The following CRTAC1 variants were observed in gnomAD, a reference collection of about 807,000 sequenced individuals.
CRTAC1 encodes cartilage acidic protein 1, also known as acidic secreted protein in cartilage.
Under a neutral mutation model 67.8 loss-of-function variants are expected in CRTAC1, and 37 were observed. The observed-to-expected ratio is 0.55, with a 90% CI of 0.42 to 0.72. The LOEUF is 0.72. Ranked by LOEUF, CRTAC1 falls within the 30% of genes least tolerant of loss-of-function variation. The pLI, the probability that CRTAC1 is intolerant of heterozygous loss-of-function variation, is 0.00. For synonymous variants in CRTAC1, 348 were observed against 371.0 expected, an observed-to-expected ratio of 0.94 and a Z score of 0.71; for missense variants, 780 against 931.6, an observed-to-expected ratio of 0.84 and a Z score of 2.12.
intron 14 of CRTAC1, chr10:97,869,719 G>C (rs2050070630): frequency 6.6e-6 from 1 of 152,390 alleles, no homozygotes; most frequent in Non-Finnish European, 1.5e-5. Flanking sequence ...CGGCTCCCCG[G>C]TTGGCAGCCA....
rs556100937 is a variant in CRTAC1 at position 97,944,404 on chromosome 10, C to T, written c.225-8038G>A. Among the ~76,000 whole-genome samples, 11 of 151,682 alleles carry T rather than the reference C, an allele frequency of 7.3e-5. No homozygotes were observed. The East Asian group carries it at 2.1e-3, about 29-fold the overall frequency. On this transcript the variant is annotated intron_variant, in intron 2 of 14. Transcript: ENST00000370597. ...CCAAGATCGCCCCATTGCTGTCAAG[C>T]CTGGGCAACAAGAGTGAAACTCCAT... is the stretch of plus-strand genomic sequence containing the variant.
At chr10:97,997,175 T>C (rs943320613) in intron 2 of CRTAC1, among the ~76,000 whole-genome samples, 17 of 148,958 alleles carry the variant, frequency 1.1e-4, no homozygotes, top group East Asian at 3.9e-4. Flanking sequence ...GCATGGCACA[T>C]GTATACATAT....
At chr10:97,908,557 G>A (rs1264363851) in intron 5 of CRTAC1, among the ~76,000 whole-genome samples, 1 of 152,204 alleles carries the variant, frequency 6.6e-6, no homozygotes, top group Non-Finnish European at 1.5e-5. Context: ...TACATATGCT[G>A]GTCAAGACCA....
chr10:97,907,936 G>T, intron 6 of CRTAC1, 77 bp downstream of exon 6: 1 of 1,516,724 alleles, frequency 6.6e-7, no homozygotes, highest in Non-Finnish European at 9.1e-7. Flanking sequence ...ATCCTGGAGG[G>T]GGCAGGGCAG....
Position 98,030,162 on chromosome 10 carries a change from C to A in CRTAC1, c.24+287G>T, listed in dbSNP as rs1843338372. Among the ~76,000 whole-genome samples the A allele has an allele frequency of 6.6e-6, 1 of 151,974 alleles. No individual in the cohort carries two copies. The highest frequency in any genetic ancestry group is 1.5e-5 in the Non-Finnish European group (1 of 67,940). On this transcript the variant is annotated intron_variant, in intron 1 of 14. Coordinates refer to ENST00000370597, the MANE Select transcript of CRTAC1 (RefSeq NM_018058.7). This position sits in a 1 kb window ranked among gnomAD's most constrained non-coding sequence, Gnocchi z 4.2. ...GCTGACCTCCAGTGCGCCCCCAACA[C>A]TTTCTCTGCCAGCTGCTGGCTGTCG...
At chr10:97,901,322 C>G (rs2050537553) in intron 8 of CRTAC1, among the ~76,000 whole-genome samples, 181 bp downstream of exon 8, 1 of 152,236 alleles carries the variant, frequency 6.6e-6, no homozygotes, top group Admixed American at 6.5e-5. Context: ...ATTCCCACAG[C>G]CTCTTGCCCA....
At chr10:98,006,406 G>A (rs1012517606) in intron 2 of CRTAC1, among the ~76,000 whole-genome samples, 6 of 152,126 alleles carry the variant, frequency 3.9e-5, no homozygotes, top group Admixed American at 1.3e-4. Flanking sequence ...CTCCATATGC[G>A]GAGGCACTCG....
intron 5 of CRTAC1, among the ~76,000 whole-genome samples, chr10:97,915,754 G>A (rs1426763735): frequency 2.0e-5 from 3 of 152,150 alleles, no homozygotes; most frequent in African/African-American, 4.8e-5. Context: ...TGGAGAAGGC[G>A]CGCAGACAGA....
intron 14 of CRTAC1, among the ~76,000 whole-genome samples, chr10:97,877,902 T>A (rs1246283636): frequency 1.3e-5 from 2 of 152,284 alleles, no homozygotes; most frequent in Non-Finnish European, 2.9e-5. Flanking sequence ...GTAGTTGTCT[T>A]GTCCCTTATT....
intron 2 of CRTAC1, among the ~76,000 whole-genome samples, chr10:98,004,400 T>C (rs569118288): frequency 1.3e-4 from 20 of 152,348 alleles, no homozygotes; most frequent in Admixed American, 9.8e-4. Flanking sequence ...GGAGCATACA[T>C]GGCTGTACAC....
At chr10:97,876,955 T>G (rs900907332) in intron 14 of CRTAC1, among the ~76,000 whole-genome samples, 1 of 140,532 alleles carries the variant, frequency 7.1e-6, no homozygotes, top group Non-Finnish European at 1.5e-5. Flanking sequence ...GTTTTTTTTT[T>G]TTTTTTTTTT....
In CRTAC1 at chr10:97,975,580, G is replaced by A. The variant is rs2051787147; in HGVS notation, c.224+35558C>T. Among the ~76,000 whole-genome samples the A allele has an allele frequency of 6.6e-6, 1 of 152,146 alleles. No individual in the cohort carries two copies. The highest frequency in any genetic ancestry group is 2.4e-5 in the African/African-American group (1 of 41,428). On this transcript the variant is annotated intron_variant, in intron 2 of 14. Coordinates refer to ENST00000370597, the MANE Select transcript of CRTAC1 (RefSeq NM_018058.7). This position sits in a 1 kb window ranked among gnomAD's most constrained non-coding sequence, Gnocchi z 4.8. ...AGTCACCTTTTCCTAAAGGACGTGG[G>A]GCACCATTTCTGTTACAACTGGCAG...
At chr10:98,005,100 A>ATATATTTT in intron 2 of CRTAC1, among the ~76,000 whole-genome samples, 1 of 48,884 alleles carries the variant, frequency 2.0e-5, no homozygotes, top group African/African-American at 1.2e-4. Flanking sequence ...ATATATATAT[A>ATATATTTT]TTTTTTTTTT....
rs757267901 is a variant in CRTAC1, at chr10:97,991,099, C to CAAAA, written c.224+20035_224+20038dup. On this transcript the variant is annotated intron_variant, in intron 2 of 14. Coordinates refer to ENST00000370597, the MANE Select transcript of CRTAC1 (RefSeq NM_018058.7). ...GGCAACATACGAGAAACCATCTCTA[C>CAAAA]AAAAAAAAAAAAAAAAAAAAAAAAA... 9.9e-3 allele frequency among the ~76,000 whole-genome samples: 177 copies of CAAAA among 17,962 alleles called. 16 individuals are homozygous for CAAAA. Among genetic ancestry groups the CAAAA allele is most frequent in the African/African-American group, 0.028 (151 of 5,332 alleles). 11.8% of individuals were successfully genotyped at this position (17,962 alleles called of 152,430 possible).
chr10:97,946,406 T>C (rs1474687150), intron 2 of CRTAC1, among the ~76,000 whole-genome samples: 1 of 152,174 alleles, frequency 6.6e-6, no homozygotes, highest in East Asian at 1.9e-4. Flanking sequence ...AGACTTCAAC[T>C]ATGGCAGCAT....
intron 14 of CRTAC1, among the ~76,000 whole-genome samples, chr10:97,876,754 C>T (rs767778528): frequency 2.6e-5 from 4 of 152,062 alleles, no homozygotes; most frequent in Admixed American, 6.5e-5. Flanking sequence ...GGGGACGGAA[C>T]GGTTTGGGCT....
intron 3 of CRTAC1, among the ~76,000 whole-genome samples, chr10:97,935,450 G>A (rs1590220867): frequency 6.6e-6 from 1 of 152,140 alleles, no homozygotes; most frequent in East Asian, 1.9e-4. Context: ...TGACCCAGAG[G>A]CATCATCATC....
chr10:97,941,629 C>T (rs777287360), intron 2 of CRTAC1, among the ~76,000 whole-genome samples: 2 of 152,146 alleles, frequency 1.3e-5, no homozygotes, highest in Non-Finnish European at 2.9e-5. Context: ...CTGTCCCTCC[C>T]CTTTGTCTTC....
At chr10:97,997,015 C>G (rs1283368106) in intron 2 of CRTAC1, among the ~76,000 whole-genome samples, 1 of 137,376 alleles carries the variant, frequency 7.3e-6, no homozygotes, top group Non-Finnish European at 1.5e-5. Flanking sequence ...TGTTCTCACT[C>G]ATAAGTGGGA....
Sources: gnomAD v4.1 joint callset for allele counts (sites outside exome capture counted in the v4.1 genomes callset) on GRCh38, gnomAD v4.1.1 for gene constraint, Gnocchi (gnomAD v3.1) non-coding constraint, MANE v1.5 for transcripts, NCBI Gene and HGNC (gene_info 2026-07-23, HGNC 2026-07-21) for gene names.